The following DNMBP variants were observed in gnomAD, a reference collection of about 807,000 sequenced individuals.
DNMBP encodes the protein dynamin binding protein, also known as dynamin-binding protein.
DNMBP carries 87 observed loss-of-function variants against 150.0 expected under a neutral mutation model. That is an observed-to-expected ratio of 0.58 (90% CI 0.49 to 0.69). The LOEUF is 0.69. Among genes scored for constraint, DNMBP ranks in the 30% least tolerant of loss-of-function variants. DNMBP has a pLI of 0.00. For synonymous variants in DNMBP, 711 were observed against 750.4 expected, an observed-to-expected ratio of 0.95 and a Z score of 0.86; for missense variants, 1,774 against 1,949.0, an observed-to-expected ratio of 0.91 and a Z score of 1.69.
At chr10:99,907,888 C>G in intron 6 of DNMBP, 107 bp downstream of exon 6, 1 of 753,636 alleles carries the variant, frequency 1.3e-6, no homozygotes, top group Non-Finnish European at 2.2e-6. Context: ...AGTACCTACA[C>G]CTGTATCTTC....
intron 3 of DNMBP, among the ~76,000 whole-genome samples, chr10:99,960,564 G>A (rs369826171): frequency 1.2e-4 from 18 of 152,280 alleles, no homozygotes; most frequent in African/African-American, 3.6e-4. Context: ...CCAGCACTTC[G>A]GGAGGCCGAG....
intron 4 of DNMBP, chr10:99,929,576 C>T: frequency 1.6e-6 from 1 of 627,204 alleles, no homozygotes; most frequent in Non-Finnish European, 2.8e-6. Flanking sequence ...TATCTTTATG[C>T]TTTATCTTAA....
At chr10:99,920,144 C>T (rs941662903) in intron 4 of DNMBP, among the ~76,000 whole-genome samples, 5 of 151,096 alleles carry the variant, frequency 3.3e-5, no homozygotes, top group Admixed American at 6.6e-5. Context: ...GATGTGATCT[C>T]GCCTCACCGC....
intron 1 of DNMBP, among the ~76,000 whole-genome samples, chr10:99,979,571 C>T (rs533133727): frequency 3.3e-5 from 5 of 152,240 alleles, no homozygotes; most frequent in African/African-American, 1.2e-4. Flanking sequence ...CCCACCAATT[C>T]CCAAAACATG....
intron 3 of DNMBP, among the ~76,000 whole-genome samples, chr10:99,964,497 GT>G (rs560646609): frequency 4.1e-5 from 6 of 145,798 alleles, no homozygotes; most frequent in East Asian, 4.0e-4. Flanking sequence ...TCCTGTTTTT[GT>G]TTTTTTTTTA....
chr10:99,889,261 A>T (rs2490932), intron 11 of DNMBP: 17,245 of 209,560 alleles, frequency 0.082, 1,359 homozygotes, highest in African/African-American at 0.23. Flanking sequence ...ATTAGAACCA[A>T]GATGATTCCT....
In DNMBP at chr10:99,916,544, A is replaced by G. The variant is rs2039966911; in HGVS notation, c.2261-7398T>C. 3.3e-5 allele frequency among the ~76,000 whole-genome samples: 5 copies of G among 152,374 alleles called. No homozygotes were observed. In the South Asian group the frequency reaches 1.0e-3, roughly 32 times the overall value. On this transcript the variant is annotated intron_variant, in intron 4 of 16. Coordinates refer to ENST00000324109, the MANE Select transcript of DNMBP (RefSeq NM_015221.4). ...TTCCAGGTAATTTATGGCAGAAATT[A>G]TGTGAAATGAAGGGAAAGGCCAATT...
intron 6 of DNMBP, among the ~76,000 whole-genome samples, chr10:99,903,099 C>T (rs11595598): frequency 0.52 from 76,226 of 146,366 alleles, 20,345 homozygotes; most frequent in Middle Eastern, 0.62. Context: ...CACACCTGGG[C>T]AATTTTTTTT....
intron 1 of DNMBP, among the ~76,000 whole-genome samples, chr10:99,976,624 A>C (rs778053005): frequency 1.1e-4 from 17 of 152,064 alleles, no homozygotes; most frequent in Non-Finnish European, 2.4e-4. Flanking sequence ...AGGCTAACAA[A>C]CTCTACTGTG....
Position 99,896,328 on chromosome 10 carries a change from A to G in DNMBP, c.2990T>C (p.Ile997Thr). 1 of 1,614,114 alleles carries G rather than the reference A, an allele frequency of 6.2e-7. No individual in the cohort carries two copies. The highest frequency in any genetic ancestry group is 8.5e-7 in the Non-Finnish European group (1 of 1,179,980). Residue 997 changes from isoleucine to threonine, a missense_variant, in exon 10 of 17, where the codon ATC becomes ACC. Ile to Thr is a moderately conservative substitution (Grantham distance 89). Around this residue, in one of 2 missense-constraint regions of DNMBP, gnomAD observed 1,430 missense variants for 1,492.5 expected, o/e 0.96. Transcript: ENST00000324109. ...EKISKLNIHS[I>T]IKKSNRVSSH... ...GCTAACTCGGTTGGATTTCTTGATGATGGAGTGGATGTTCAGTTTGGAAAT... is the reference window on the plus strand; with the variant it reads ...GCTAACTCGGTTGGATTTCTTGATGGTGGAGTGGATGTTCAGTTTGGAAAT...
At chr10:99,975,316 AC>A (rs1388214041) in intron 1 of DNMBP, among the ~76,000 whole-genome samples, 1 of 151,826 alleles carries the variant, frequency 6.6e-6, no homozygotes, top group Non-Finnish European at 1.5e-5. Context: ...CCAAAATCGC[AC>A]CATTGCACTC....
intron 4 of DNMBP, among the ~76,000 whole-genome samples, chr10:99,926,165 C>A (rs1438805535): frequency 6.6e-6 from 1 of 152,216 alleles, no homozygotes; most frequent in Admixed American, 6.5e-5. Context: ...ATGTTATTAG[C>A]AAGTGCAAAA....
chr10:99,881,809 C>T (rs1302213268), intron 15 of DNMBP, among the ~76,000 whole-genome samples: 3 of 152,070 alleles, frequency 2.0e-5, no homozygotes, highest in African/African-American at 7.2e-5. Context: ...GAAAAAAAAT[C>T]CACAAGATGC....
intron 4 of DNMBP, among the ~76,000 whole-genome samples, chr10:99,928,727 C>T (rs1376900087): frequency 2.0e-5 from 3 of 152,108 alleles, no homozygotes; most frequent in African/African-American, 4.8e-5. Flanking sequence ...AGTGTCAGTA[C>T]TCATCATTCA....
intron 4 of DNMBP, among the ~76,000 whole-genome samples, chr10:99,935,762 C>T (rs528040139): frequency 2.0e-5 from 3 of 152,294 alleles, no homozygotes; most frequent in East Asian, 3.9e-4. Flanking sequence ...CAGGGTTTCA[C>T]CATGTTGGCC....
intron 4 of DNMBP, among the ~76,000 whole-genome samples, chr10:99,922,634 C>T (rs1028401438): frequency 2.0e-5 from 3 of 150,522 alleles, no homozygotes; most frequent in Admixed American, 1.3e-4. Context: ...TTAACCACCT[C>T]AGCCTCCTGA....
intron 4 of DNMBP, among the ~76,000 whole-genome samples, chr10:99,938,271 TG>T (rs1206821759): frequency 2.0e-5 from 3 of 152,140 alleles, no homozygotes; most frequent in Non-Finnish European, 2.9e-5. Flanking sequence ...TGACCAGGTG[TG>T]GTGGCTCAGG....
chr10:99,978,368 C>T (rs909074429), intron 1 of DNMBP, among the ~76,000 whole-genome samples: 3 of 152,180 alleles, frequency 2.0e-5, no homozygotes, highest in Non-Finnish European at 4.4e-5. Flanking sequence ...TTTACACCCA[C>T]CACCTAGATT....
chr10:99,955,641 C>A lies in DNMBP; in HGVS notation c.1833G>T (p.Pro611=). Residue 611 remains proline, a synonymous_variant, in exon 4 of 17, where the codon CCG becomes CCT. Transcript: ENST00000324109. ...ATACCGGAGTACAGGGACGAGGTGGCGGTGGCCTTAGGGCCTTTCTCCTTT... is the reference window on the plus strand; with the variant it reads ...ATACCGGAGTACAGGGACGAGGTGGAGGTGGCCTTAGGGCCTTTCTCCTTT... ...LPERRKALRP[P]PPRPCTPVST... is the part of the protein sequence containing the mutation. The A allele has an allele frequency of 6.2e-7, 1 of 1,614,158 alleles. No homozygotes were observed. The highest frequency in any genetic ancestry group is 8.5e-7 in the Non-Finnish European group (1 of 1,180,030).
Sources: allele counts gnomAD v4.1 joint callset (sites outside exome capture counted in the v4.1 genomes callset), GRCh38; gene constraint gnomAD v4.1.1; regional missense constraint gnomAD v4.1.1; transcripts MANE v1.5; gene names NCBI Gene and HGNC (gene_info 2026-07-23, HGNC 2026-07-21).